CLASP1: variants seen among roughly 807,000 people sequenced by gnomAD.
The protein encoded by CLASP1 is CLIP-associating protein 1.
A neutral mutation model predicts 192.3 loss-of-function variants in CLASP1; 38 were observed. The observed-to-expected ratio is 0.20, with a 90% CI of 0.15 to 0.26. The LOEUF (loss-of-function observed/expected upper bound fraction) is 0.26. Ranked by LOEUF, CLASP1 falls within the 10% of genes least tolerant of loss-of-function variation. The pLI is 1.00. For synonymous variants in CLASP1, 691 were observed against 712.8 expected (o/e 0.97, Z 0.49); for missense variants, 1,433 against 1,932.5 (o/e 0.74, Z 4.85).
chr2:121,583,253 G>C (rs1272375752), intron 2 of CLASP1, among the ~76,000 whole-genome samples: 1 of 152,040 alleles, frequency 6.6e-6, no homozygotes, highest in Non-Finnish European at 1.5e-5. Flanking sequence ...TCTAAGACTT[G>C]TTTTATTTTT....
intron 1 of CLASP1, among the ~76,000 whole-genome samples, chr2:121,634,278 T>C (rs1030614672): frequency 2.0e-5 from 3 of 152,236 alleles, no homozygotes; most frequent in Non-Finnish European, 2.9e-5. Flanking sequence ...GTTTGCTGAA[T>C]GATGATTTTG....
intron 14 of CLASP1, among the ~76,000 whole-genome samples, chr2:121,457,168 A>G (rs186490717): frequency 2.0e-5 from 3 of 152,272 alleles, no homozygotes; most frequent in East Asian, 1.9e-4. Flanking sequence ...TCTTCTGGGT[A>G]TATCTCCCAC....
At chr2:121,514,179 A>G (rs1229894398) in intron 7 of CLASP1, among the ~76,000 whole-genome samples, 1 of 152,232 alleles carries the variant, frequency 6.6e-6, no homozygotes, top group Non-Finnish European at 1.5e-5. Flanking sequence ...GTTACCCTCC[A>G]AAAACACAGA....
chr2:121,389,504 T>C (rs923496921), intron 30 of CLASP1, among the ~76,000 whole-genome samples: 1 of 148,390 alleles, frequency 6.7e-6, no homozygotes, highest in Admixed American at 6.7e-5. Context: ...AAACAATGCA[T>C]GCAGAAAAAT....
chr2:121,542,004 C>G (rs1226246318), intron 2 of CLASP1, among the ~76,000 whole-genome samples: 1 of 152,108 alleles, frequency 6.6e-6, no homozygotes, highest in Non-Finnish European at 1.5e-5. Flanking sequence ...CAACAATACC[C>G]CTGTTACTGT....
intron 34 of CLASP1, among the ~76,000 whole-genome samples, chr2:121,370,725 C>A (rs2068466824): frequency 6.6e-6 from 1 of 152,210 alleles, no homozygotes; most frequent in South Asian, 2.1e-4. Flanking sequence ...CATGGCACTT[C>A]CTGACTCCTC....
chr2:121,489,862 C>T (rs1229776473), intron 8 of CLASP1, among the ~76,000 whole-genome samples: 2 of 152,184 alleles, frequency 1.3e-5, no homozygotes, highest in Non-Finnish European at 2.9e-5. Context: ...TCCTCTATAC[C>T]TACTGGGAAA....
At chr2:121,434,105 T>A (rs372615851) in intron 19 of CLASP1, among the ~76,000 whole-genome samples, 2 of 152,220 alleles carry the variant, frequency 1.3e-5, no homozygotes, top group African/African-American at 4.8e-5. Context: ...AACTTTTAAC[T>A]ACTGATTCAA....
chr2:121,425,260 A>G (rs2080195404), exon 22 of CLASP1: 3 of 1,612,986 alleles, frequency 1.9e-6, no homozygotes, highest in Non-Finnish European at 2.5e-6. Flanking sequence ...TAAGTCCACC[A>G]TAACCACTTC....
chr2:121,572,709 A>G (rs1337491647), intron 2 of CLASP1, among the ~76,000 whole-genome samples: 1 of 152,292 alleles, frequency 6.6e-6, no homozygotes, highest in South Asian at 2.1e-4. Context: ...TAGCCTGGGC[A>G]ACATGGTGAA....
chr2:121,402,178 A>G (rs545999509), intron 26 of CLASP1, among the ~76,000 whole-genome samples: 1 of 152,308 alleles, frequency 6.6e-6, no homozygotes, highest in African/African-American at 2.4e-5. Flanking sequence ...GCCAATAAAA[A>G]CACCTACTCA....
intron 26 of CLASP1, 82 bp from the exon 28 acceptor site, chr2:121,401,952 T>C (rs552380109): frequency 2.7e-5 from 15 of 559,454 alleles, no homozygotes; most frequent in Non-Finnish European, 4.5e-5. Flanking sequence ...ACCATTTTCA[T>C]GCGTTTTTTT....
At chr2:121,395,969 T>C (rs147909706) in intron 30 of CLASP1, among the ~76,000 whole-genome samples, 67 of 152,324 alleles carry the variant, frequency 4.4e-4, no homozygotes, top group African/African-American at 1.4e-3. Context: ...TCCAAGGCCA[T>C]GGCCCAAAAT....
At chr2:121,480,931 A>G (rs1559378274) in intron 8 of CLASP1, among the ~76,000 whole-genome samples, 1 of 152,250 alleles carries the variant, frequency 6.6e-6, no homozygotes, top group East Asian at 1.9e-4. Context: ...AAGAAAGCAG[A>G]GTCAGGGGCA....
At chr2:121,351,585 G>A (rs1355633664) in intron 37 of CLASP1, among the ~76,000 whole-genome samples, 1 of 152,140 alleles carries the variant, frequency 6.6e-6, no homozygotes. Flanking sequence ...GGGAGGACCC[G>A]CTAACTCCTT....
chr2:121,409,617 A>C (rs1173396854), intron 24 of CLASP1, among the ~76,000 whole-genome samples: 2 of 152,206 alleles, frequency 1.3e-5, no homozygotes, highest in African/African-American at 4.8e-5. Flanking sequence ...AGAACTAAGA[A>C]ATTTCCCTGC....
intron 1 of CLASP1, among the ~76,000 whole-genome samples, chr2:121,625,907 T>A (rs2068257047): frequency 6.6e-6 from 1 of 151,816 alleles, no homozygotes; most frequent in South Asian, 2.1e-4. Flanking sequence ...GAGACCATCC[T>A]GGCCAACATG....
intron 22 of CLASP1, 62 bp from the exon 23 acceptor site, chr2:121,418,791 C>T (rs2079018161): frequency 8.7e-7 from 1 of 1,153,042 alleles, no homozygotes; most frequent in Non-Finnish European, 1.3e-6. Context: ...CAGATAAACT[C>T]ACAAAATGTC....
intron 37 of CLASP1, among the ~76,000 whole-genome samples, chr2:121,351,121 C>T (rs572271283): frequency 2.6e-5 from 4 of 152,270 alleles, no homozygotes; most frequent in South Asian, 2.1e-4. Flanking sequence ...CCCCAGCATA[C>T]GGGAGGTGCT....
Sources: gnomAD v4.1 joint callset for allele counts (sites outside exome capture counted in the v4.1 genomes callset) on GRCh38, gnomAD v4.1.1 for gene constraint, MANE v1.5 for transcripts, NCBI Gene and HGNC (gene_info 2026-07-23, HGNC 2026-07-21) for gene names.